Variants in DPRX observed in about 807,000 individuals in gnomAD.
The protein encoded by DPRX is divergent-paired related homeobox, also known as divergent paired-related homeobox.
DPRX carries 11 observed loss-of-function variants against 8.4 expected under a neutral mutation model. That is an observed-to-expected ratio of 1.31 (90% CI 0.82 to 2.17). The LOEUF is 2.17. Ranked by LOEUF, DPRX falls within the 30% of genes most tolerant of loss-of-function variation. The pLI is 0.00. For synonymous variants in DPRX, 72 were observed against 87.0 expected (o/e 0.83, Z 0.96); for missense variants, 211 against 236.7 (o/e 0.89, Z 0.71).
the DPRX span, among the ~76,000 whole-genome samples, chr19:53,615,767 C>A: frequency 4.0e-5 from 6 of 151,644 alleles, no homozygotes; most frequent in East Asian, 1.2e-3. Flanking sequence ...ATGAAAAGTT[C>A]GATTTTTCCT....
At chr19:53,612,291 G>A in the DPRX span, among the ~76,000 whole-genome samples, 2 of 152,178 alleles carry the variant, frequency 1.3e-5, no homozygotes. Flanking sequence ...GCTGAGACAG[G>A]AGGGTGGCTT....
At chr19:53,610,967 A>G in the DPRX span, among the ~76,000 whole-genome samples, 5 of 152,188 alleles carry the variant, frequency 3.3e-5, no homozygotes, top group South Asian at 1.0e-3. Flanking sequence ...CAGTGGGACC[A>G]TCTCGGCTCA....
At chr19:53,631,588 C>T (rs117382682), upstream of DPRX, among the ~76,000 whole-genome samples, 1,853 of 151,984 alleles carry the variant, frequency 0.012, 13 homozygotes, top group Non-Finnish European at 0.018. Flanking sequence ...GCGGAAACTC[C>T]GTCTCTACTA....
the DPRX span, among the ~76,000 whole-genome samples, chr19:53,622,737 T>G: frequency 3.9e-5 from 6 of 152,294 alleles, no homozygotes; most frequent in East Asian, 9.7e-4. Flanking sequence ...CTGTGCTTCT[T>G]GGTGAAAGTG....
chr19:53,625,899 T>TA, the DPRX span, among the ~76,000 whole-genome samples: 1 of 148,664 alleles, frequency 6.7e-6, no homozygotes, highest in East Asian at 2.1e-4. Context: ...CAGCCTCCCA[T>TA]AGTGCTGGGA....
At chr19:53,619,875 AT>A in the DPRX span, among the ~76,000 whole-genome samples, 1 of 138,206 alleles carries the variant, frequency 7.2e-6, no homozygotes, top group East Asian at 2.2e-4. Flanking sequence ...AAAAAAAAGG[AT>A]AAGTTGCTGA....
chr19:53,613,006 G>A, the DPRX span, among the ~76,000 whole-genome samples: 174 of 152,242 alleles, frequency 1.1e-3, 1 homozygote, highest in Non-Finnish European at 2.1e-3. Flanking sequence ...AGGGAAGATG[G>A]AGGGAAAATT....
At chr19:53,606,294 A>G in the DPRX span, 1 of 152,244 alleles carries the variant, frequency 6.6e-6, no homozygotes, top group East Asian at 1.9e-4. This position sits in a 1 kb window ranked among gnomAD's most constrained non-coding sequence, Gnocchi z 4.8. Flanking sequence ...AGAAAACGGG[A>G]ACACGCATGG....
chr19:53,615,506 C>T, the DPRX span, among the ~76,000 whole-genome samples: 1 of 151,968 alleles, frequency 6.6e-6, no homozygotes, highest in Admixed American at 6.6e-5. Flanking sequence ...GTCTCAAACT[C>T]CTGACTTCCA....
At chr19:53,617,937 A>C in the DPRX span, among the ~76,000 whole-genome samples, 1 of 152,020 alleles carries the variant, frequency 6.6e-6, no homozygotes, top group Non-Finnish European at 1.5e-5. Context: ...CAGGAGTTCC[A>C]GACCAGCCTG....
intron 1 of DPRX, among the ~76,000 whole-genome samples, chr19:53,633,086 A>C (rs998031609): frequency 6.6e-6 from 1 of 152,074 alleles, no homozygotes; most frequent in African/African-American, 2.4e-5. Context: ...GCTTCAGCCC[A>C]GGAGTTCAAG....
chr19:53,624,505 C>A, the DPRX span, among the ~76,000 whole-genome samples: 1 of 151,984 alleles, frequency 6.6e-6, no homozygotes, highest in African/African-American at 2.4e-5. Flanking sequence ...TGAAGCCTCC[C>A]AGTTTCAAGC....
chr19:53,611,479 C>A, the DPRX span, among the ~76,000 whole-genome samples: 1 of 151,990 alleles, frequency 6.6e-6, no homozygotes, highest in South Asian at 2.1e-4. Context: ...GTGATCCACC[C>A]GCCTCAGCCT....
the DPRX span, among the ~76,000 whole-genome samples, chr19:53,625,062 CT>C: frequency 0.07 from 8,413 of 120,162 alleles, 285 homozygotes; most frequent in African/African-American, 0.15. Flanking sequence ...TCATCATGGG[CT>C]TTTTTTTTTT....
chr19:53,635,679 C>A (rs2091109323), intron 2 of DPRX, among the ~76,000 whole-genome samples: 1 of 152,214 alleles, frequency 6.6e-6, no homozygotes, highest in Admixed American at 6.6e-5. Flanking sequence ...CTGTGCCTGG[C>A]CAGTAGTATT....
At chr19:53,619,418 T>C in the DPRX span, among the ~76,000 whole-genome samples, 2 of 152,072 alleles carry the variant, frequency 1.3e-5, no homozygotes, top group African/African-American at 2.4e-5. Flanking sequence ...CTCACGCCTG[T>C]AATCCTAGCA....
the DPRX span, among the ~76,000 whole-genome samples, chr19:53,601,552 G>GCTGAATGCAACATCCGCCTC: frequency 2.0e-5 from 3 of 149,700 alleles, no homozygotes; most frequent in African/African-American, 7.4e-5. Flanking sequence ...CGCGATCTCA[G>GCTGAATGCAACATCCGCCTC]CTGAATGCAA....
At chr19:53,613,552 G>C in the DPRX span, among the ~76,000 whole-genome samples, 2 of 151,082 alleles carry the variant, frequency 1.3e-5, no homozygotes, top group African/African-American at 4.9e-5. Context: ...AGAGACGGGG[G>C]TTTCACCATG....
At chr19:53,618,023 TC>T in the DPRX span, among the ~76,000 whole-genome samples, 2 of 151,478 alleles carry the variant, frequency 1.3e-5, no homozygotes, top group East Asian at 3.9e-4. Flanking sequence ...GCACCTGTAA[TC>T]CCAGCTACTT....
Sources: gnomAD v4.1 joint callset for allele counts (sites outside exome capture counted in the v4.1 genomes callset) on GRCh38, gnomAD v4.1.1 for gene constraint, Gnocchi (gnomAD v3.1) non-coding constraint, MANE v1.5 for transcripts, NCBI Gene and HGNC (gene_info 2026-07-23, HGNC 2026-07-21) for gene names.